DTWD2: variants seen among roughly 807,000 people sequenced by gnomAD.
DTWD2 encodes the protein tRNA-uridine aminocarboxypropyltransferase 2.
Under a neutral mutation model 31.8 loss-of-function variants are expected in DTWD2, and 39 were observed. The observed-to-expected ratio is 1.22, with a 90% confidence interval of 0.95 to 1.60. DTWD2 has a LOEUF of 1.60. Ranked by LOEUF, DTWD2 falls within the 40% of genes most tolerant of loss-of-function variation. The pLI is 0.00. For synonymous variants in DTWD2, 180 were observed against 142.8 expected (o/e 1.26, Z -1.86); for missense variants, 515 against 381.5 (o/e 1.35, Z -2.92).
At chr5:118,844,363 C>T (rs944280798) in intron 5 of DTWD2, among the ~76,000 whole-genome samples, 2 of 152,108 alleles carry the variant, frequency 1.3e-5, no homozygotes, top group African/African-American at 2.4e-5. Flanking sequence ...AAAAAGAACC[C>T]CAAGCTAAAG....
At chr5:118,969,555 G>A (rs1754934696) in intron 1 of DTWD2, among the ~76,000 whole-genome samples, 1 of 152,198 alleles carries the variant, frequency 6.6e-6, no homozygotes, top group South Asian at 2.1e-4. Flanking sequence ...ATTAGGGTCT[G>A]GAGTGGAACC....
At chr5:118,938,259 C>T (rs1035962831) in intron 3 of DTWD2, among the ~76,000 whole-genome samples, 1 of 152,094 alleles carries the variant, frequency 6.6e-6, no homozygotes, top group Non-Finnish European at 1.5e-5. Context: ...TATAAATGAT[C>T]TCATTTGCAG....
chr5:118,927,569 C>T (rs995222740), intron 4 of DTWD2, among the ~76,000 whole-genome samples: 2 of 151,796 alleles, frequency 1.3e-5, no homozygotes, highest in Non-Finnish European at 2.9e-5. Flanking sequence ...AAATGCATTC[C>T]TGAGTAATTA....
At chr5:118,886,451 T>G (rs575293396) in intron 4 of DTWD2, among the ~76,000 whole-genome samples, 1 of 152,248 alleles carries the variant, frequency 6.6e-6, no homozygotes, top group South Asian at 2.1e-4. Flanking sequence ...TATAATAGCA[T>G]AACAAGGAAA....
intron 4 of DTWD2, among the ~76,000 whole-genome samples, chr5:118,869,562 T>C (rs1243733511): frequency 1.3e-5 from 2 of 152,242 alleles, no homozygotes; most frequent in East Asian, 3.9e-4. Context: ...AGCTGCTCTC[T>C]TTATAAATAA....
chr5:118,879,170 A>T (rs1034294057), intron 4 of DTWD2, among the ~76,000 whole-genome samples: 7 of 152,234 alleles, frequency 4.6e-5, no homozygotes, highest in Admixed American at 4.6e-4. Flanking sequence ...TCATTCTATT[A>T]TAAAGATACA....
chr5:118,851,346 A>G (rs867202044), intron 4 of DTWD2, among the ~76,000 whole-genome samples: 2 of 152,068 alleles, frequency 1.3e-5, no homozygotes, highest in Middle Eastern at 6.8e-3. Flanking sequence ...GAGTACAAAG[A>G]GAGGAATTTT....
At position 118,952,699 on chromosome 5, in the gene DTWD2, G is replaced by T. The variant is rs1236261720; in HGVS notation, c.219-8050C>A. Among the ~76,000 whole-genome samples, 7 of 152,060 alleles carry T rather than the reference G, an allele frequency of 4.6e-5. No individual in the cohort carries two copies. The East Asian group carries it at 1.2e-3, about 25-fold the overall frequency. On this transcript the variant is annotated intron_variant, in intron 1 of 5. Transcript: ENST00000510708. ...TACTCCAAAAGTCTATTTAAAAGTT[G>T]GTTGTCTGGAAGTGGTTAGATTCTC...
At chr5:118,951,820 C>A (rs1331069104) in intron 1 of DTWD2, among the ~76,000 whole-genome samples, 1 of 152,048 alleles carries the variant, frequency 6.6e-6, no homozygotes, top group Non-Finnish European at 1.5e-5. Flanking sequence ...GTGCTTGCCA[C>A]CAAGGTGAAG....
chr5:118,981,586 G>C (rs1374214409), intron 1 of DTWD2, among the ~76,000 whole-genome samples: 1 of 151,908 alleles, frequency 6.6e-6, no homozygotes, highest in Non-Finnish European at 1.5e-5. Flanking sequence ...TAAGAGATGG[G>C]GTCTTACTCT....
chr5:118,879,136 G>A (rs1012909029), intron 4 of DTWD2, among the ~76,000 whole-genome samples: 1 of 152,210 alleles, frequency 6.6e-6, no homozygotes, highest in Non-Finnish European at 1.5e-5. Flanking sequence ...CCCATTACTG[G>A]CTATATACCC....
At chr5:118,865,712 T>C (rs933287693) in intron 4 of DTWD2, among the ~76,000 whole-genome samples, 2 of 152,180 alleles carry the variant, frequency 1.3e-5, no homozygotes, top group African/African-American at 4.8e-5. Context: ...GCTAGCAAAC[T>C]GATGAGAGCA....
In DTWD2 at chr5:118,901,252, T is replaced by TA. The variant is rs1414856204; in HGVS notation, c.597+27284dup. 2.0e-5 allele frequency among the ~76,000 whole-genome samples: 3 copies of TA among 152,106 alleles called. No homozygotes were observed. In the South Asian group the frequency reaches 6.2e-4, roughly 32 times the overall value. On this transcript the variant is annotated intron_variant, in intron 4 of 5. Coordinates refer to ENST00000510708, the MANE Select transcript of DTWD2 (RefSeq NM_173666.4). ...CTTTACATGGTAATATTCTAAATAG[T>TA]AAAAAAGGGGAGGGGAGAATTCCAA...
At chr5:118,981,757 G>C (rs758797549) in intron 1 of DTWD2, among the ~76,000 whole-genome samples, 105 of 152,176 alleles carry the variant, frequency 6.9e-4, no homozygotes, top group Non-Finnish European at 9.9e-4. Context: ...GACAGACAAA[G>C]AATTCAGGAG....
chr5:118,970,745 G>A (rs951558635), intron 1 of DTWD2, among the ~76,000 whole-genome samples: 3 of 152,104 alleles, frequency 2.0e-5, no homozygotes, highest in Non-Finnish European at 2.9e-5. Context: ...AGAGAGAAAC[G>A]CCAGGTAACC....
At chr5:118,956,830 A>C (rs981759174) in intron 1 of DTWD2, among the ~76,000 whole-genome samples, 1 of 152,204 alleles carries the variant, frequency 6.6e-6, no homozygotes, top group Non-Finnish European at 1.5e-5. Context: ...TTTCATAGCT[A>C]TTCATTCAAC....
chr5:118,913,399 A>C (rs900622800), intron 4 of DTWD2, among the ~76,000 whole-genome samples: 2 of 137,344 alleles, frequency 1.5e-5, no homozygotes, highest in African/African-American at 2.6e-5. Context: ...ATATATATAT[A>C]GATATATATA....
At chr5:118,920,732 A>G (rs1753684623) in intron 4 of DTWD2, among the ~76,000 whole-genome samples, 1 of 152,244 alleles carries the variant, frequency 6.6e-6, no homozygotes, top group African/African-American at 2.4e-5. Flanking sequence ...TACTACTTAG[A>G]AATATTACAG....
chr5:118,968,473 T>C (rs1754905109), intron 1 of DTWD2, among the ~76,000 whole-genome samples: 1 of 152,160 alleles, frequency 6.6e-6, no homozygotes, highest in Admixed American at 6.5e-5. Context: ...ACTAGGTGGA[T>C]GGCTAAACCC....
Sources: gnomAD v4.1 joint callset for allele counts (sites outside exome capture counted in the v4.1 genomes callset) on GRCh38, gnomAD v4.1.1 for gene constraint, MANE v1.5 for transcripts, NCBI Gene and HGNC (gene_info 2026-07-23, HGNC 2026-07-21) for gene names.